SGK1: variants seen among roughly 807,000 people sequenced by gnomAD.
SGK1 encodes serum/glucocorticoid regulated kinase 1.
SGK1 carries 26 observed loss-of-function variants against 64.2 expected under a neutral mutation model. That is an observed-to-expected ratio of 0.40 (90% CI 0.30 to 0.56). SGK1 has a LOEUF of 0.56. Among genes scored for constraint, SGK1 ranks in the 20% least tolerant of loss-of-function variants. The probability of loss-of-function intolerance (pLI) is 0.38; values close to 1 mark genes in which losing one functional copy is unlikely to be tolerated. For missense variants in SGK1, 519 were observed against 645.6 expected, an observed-to-expected ratio of 0.80 and a Z score of 2.12; for synonymous variants, 265 against 239.7, an observed-to-expected ratio of 1.11 and a Z score of -0.98.
chr6:134,310,161 A>G (rs1312980403), intron 1 of SGK1, among the ~76,000 whole-genome samples: 3 of 151,630 alleles, frequency 2.0e-5, no homozygotes, highest in African/African-American at 2.4e-5. Flanking sequence ...AGCTCAGAAT[A>G]TCTCTTACTC....
At chr6:134,313,177 A>G (rs904560012) in intron 1 of SGK1, among the ~76,000 whole-genome samples, 1 of 152,236 alleles carries the variant, frequency 6.6e-6, no homozygotes, top group African/African-American at 2.4e-5. Context: ...TACTGTTATT[A>G]AAGAATAATG....
intron 10 of SGK1, 42 bp from the exon 11 acceptor site, chr6:134,171,774 A>C: frequency 7.6e-7 from 1 of 1,322,860 alleles, no homozygotes; most frequent in South Asian, 1.2e-5. Context: ...AACCTGCGAA[A>C]GCAAGCAATC....
At chr6:134,298,106 A>G in intron 1 of SGK1, 2 of 1,351,574 alleles carry the variant, frequency 1.5e-6, no homozygotes, top group East Asian at 4.6e-5. Flanking sequence ...TACCTTGTTC[A>G]TGTAAGCTTC....
Position 134,173,570 on chromosome 6 carries a change from GAAA to G in SGK1, c.514-7_514-5del, listed in dbSNP as rs113667538. The stretch of plus-strand genomic sequence containing the variant: ...TGATTTGCTGAGAAGGACTTGGCTA[GAAA>G]AAAAAAAAAAGAATTTCTTTTAATA... On this transcript the variant is annotated splice_region_variant and splice_polypyrimidine_tract_variant and intron_variant, in intron 5 of 13. Transcript: ENST00000367858. The G allele has an allele frequency of 1.1e-4, 134 of 1,257,440 alleles. No homozygotes were observed. The highest frequency in any genetic ancestry group is 1.2e-4 in the Non-Finnish European group (112 of 919,708). The allele number at this position is 1,257,440 out of a possible 1,614,324, so 77.9% of individuals were successfully genotyped here. A position where few individuals can be genotyped will look rare whatever the true frequency, so the allele number is the denominator to read the frequency against.
intron 2 of SGK1, among the ~76,000 whole-genome samples, chr6:134,255,769 G>A (rs142629690): frequency 1.3e-5 from 2 of 151,612 alleles, no homozygotes; most frequent in Non-Finnish European, 2.9e-5. Flanking sequence ...ATTTTTAGTA[G>A]AGACAGGGTT....
At chr6:134,241,048 C>CTTTTTTTTT (rs10686058) in intron 2 of SGK1, among the ~76,000 whole-genome samples, 77 of 74,026 alleles carry the variant, frequency 1.0e-3, no homozygotes, top group South Asian at 2.1e-3. Flanking sequence ...TTCTTTTTTT[C>CTTTTTTTTT]TTTTTTTTTT....
At chr6:134,173,612 G>A (rs758679533) in intron 5 of SGK1, 46 bp from the exon 6 acceptor site, 1 of 1,286,798 alleles carries the variant, frequency 7.8e-7, no homozygotes, top group South Asian at 1.3e-5. Context: ...TTGCTTCAAA[G>A]GAAGACATCT....
At chr6:134,299,212 A>AG (rs1777409857) in intron 1 of SGK1, among the ~76,000 whole-genome samples, 2 of 151,938 alleles carry the variant, frequency 1.3e-5, no homozygotes, top group African/African-American at 4.8e-5. Flanking sequence ...CAAAAAAAAA[A>AG]AAAAAAGCCA....
chr6:134,175,657 C>A, intron 3 of SGK1: 1 of 1,507,098 alleles, frequency 6.6e-7, no homozygotes, highest in Non-Finnish European at 8.9e-7. Flanking sequence ...CTGCATCTCC[C>A]CCATGGGCAG....
At position 134,208,881 on chromosome 6, in the gene SGK1, T is replaced by C. The variant is rs536510614; in HGVS notation, c.286-1450A>G. On this transcript the variant is annotated intron_variant, in intron 2 of 13. Coordinates refer to ENST00000367858, the MANE Select transcript of SGK1 (RefSeq NM_001143676.3). ...ATGTATGTGTATATATGCATATACA[T>C]ACATGTATGTGTGTGTATATATATA... is the stretch of plus-strand genomic sequence containing the variant. Among the ~76,000 whole-genome samples the C allele has an allele frequency of 3.6e-5, 3 of 84,280 alleles. No homozygotes were observed. In the East Asian group the frequency reaches 1.2e-3, roughly 35 times the overall value. 55.3% of individuals were successfully genotyped at this position (84,280 alleles called of 152,430 possible).
chr6:134,171,055 T>C lies in SGK1; in HGVS notation c.1291A>G (p.Arg431Gly), dbSNP rs1775003934. The C allele has an allele frequency of 1.9e-6, 3 of 1,614,170 alleles. No homozygotes were observed. The highest frequency in any genetic ancestry group is 2.5e-6 in the Non-Finnish European group (3 of 1,180,022). The change falls in exon 12 of 14, where the codon AGG becomes GGG. Residue 431 changes from arginine to glycine, a missense_variant. Coordinates refer to ENST00000367858, the MANE Select transcript of SGK1 (RefSeq NM_001143676.3). ...HLLEGLLQKD[R>G]TKRLGAKDDF... is the part of the protein sequence containing the mutation. The stretch of plus-strand genomic sequence containing the variant: ...TCCTTGGCCCCGAGCCGCTTTGTCC[T>C]GTCCTTCTGCAGGAGGCCCTCCAGG...
intron 1 of SGK1, among the ~76,000 whole-genome samples, chr6:134,268,227 G>C (rs1776882966): frequency 6.6e-6 from 1 of 152,160 alleles, no homozygotes. Flanking sequence ...GTGGCTTTGG[G>C]AGCCCTTCAT....
rs150105540 is a variant in SGK1, at chr6:134,176,341, T to C, written c.362-1755A>G. ...GTGAGTCCCACATAAACTGTGACTT[T>C]ATCCTGAAAGATTAGCCGGGTGACT... On this transcript the variant is annotated intron_variant, in intron 3 of 13. Transcript: ENST00000367858. Among the ~76,000 whole-genome samples, 349 of 152,356 alleles carry C rather than the reference T, an allele frequency of 2.3e-3. 1 individual carries two copies. Among genetic ancestry groups the C allele is most frequent in the African/African-American group, 7.8e-3 (326 of 41,590 alleles).
rs1777702415 is a variant in SGK1, at chr6:134,317,390, AC to A, written c.69+1del. On this transcript the variant is annotated splice_donor_variant, in intron 1 of 13. Transcript: ENST00000367858. LOFTEE classifies it high-confidence loss of function. ...AAAGAAATAAGCAAAACCTGTCCTT[AC>A]CCGCTTCTTAAAAAATTGGAAGGCT... is the stretch of plus-strand genomic sequence containing the variant. The A allele has an allele frequency of 6.3e-7, 1 of 1,576,790 alleles. No homozygotes were observed. Among genetic ancestry groups the A allele is most frequent in the South Asian group, 1.1e-5 (1 of 90,364 alleles).
chr6:134,221,714 A>G (rs1448239359), intron 2 of SGK1, among the ~76,000 whole-genome samples: 1 of 150,804 alleles, frequency 6.6e-6, no homozygotes, highest in Non-Finnish European at 1.5e-5. Flanking sequence ...GTGCAGAGGC[A>G]CAGTCTGTGC....
At position 134,253,823 on chromosome 6, in the gene SGK1, G is replaced by T. The variant is rs1420478517; in HGVS notation, c.285+8110C>A. ...GCACCGTGGCTAATAACTTCAAATC[G>T]CATGGATCCTTCCAGAGGACTCTGG... On this transcript the variant is annotated intron_variant, in intron 2 of 13. Transcript: ENST00000367858. Among the ~76,000 whole-genome samples the T allele has an allele frequency of 3.9e-5, 6 of 152,094 alleles. No individual in the cohort carries two copies. The East Asian group carries it at 1.2e-3, about 29-fold the overall frequency.
Position 134,283,995 on chromosome 6 carries a change from T to A in SGK1, c.70-21847A>T, listed in dbSNP as rs1246247606. On this transcript the variant is annotated intron_variant, in intron 1 of 13. Transcript: ENST00000367858. ...TGAGTCCCTTCCTTATAGCTCTTTA[T>A]CTCTTTACAATTTTATTTCCAGTTT... 2.0e-5 allele frequency among the ~76,000 whole-genome samples: 3 copies of A among 151,986 alleles called. No homozygotes were observed. In the East Asian group the frequency reaches 5.8e-4, roughly 29 times the overall value.
At chr6:134,234,951 T>C (rs1776340269) in intron 2 of SGK1, among the ~76,000 whole-genome samples, 1 of 151,988 alleles carries the variant, frequency 6.6e-6, no homozygotes, top group Non-Finnish European at 1.5e-5. Flanking sequence ...GATGGCAAAA[T>C]GAGTCAAGTA....
chr6:134,252,509 A>C (rs994970697), intron 2 of SGK1, among the ~76,000 whole-genome samples: 2 of 152,060 alleles, frequency 1.3e-5, no homozygotes, highest in Non-Finnish European at 2.9e-5. Context: ...TAGCACAAGA[A>C]ACAAATCTGG....
Sources: allele counts gnomAD v4.1 joint callset (sites outside exome capture counted in the v4.1 genomes callset), GRCh38; gene constraint gnomAD v4.1.1; transcripts MANE v1.5; gene names NCBI Gene and HGNC (gene_info 2026-07-23, HGNC 2026-07-21).